OPCML: variants seen among roughly 807,000 people sequenced by gnomAD.
The protein encoded by OPCML is opioid binding protein/cell adhesion molecule like.
A neutral mutation model predicts 37.8 loss-of-function variants in OPCML; 13 were observed. The observed-to-expected ratio is 0.34, with a 90% CI of 0.22 to 0.55. The LOEUF (loss-of-function observed/expected upper bound fraction) is 0.55. Ranked by LOEUF, OPCML falls within the 20% of genes least tolerant of loss-of-function variation. The probability of loss-of-function intolerance (pLI) is 0.91; values close to 1 mark genes in which losing one functional copy is unlikely to be tolerated. For missense variants in OPCML, 341 were observed against 435.6 expected (o/e 0.78, Z 1.93); for synonymous variants, 176 against 168.8 (o/e 1.04, Z -0.33).
At chr11:133,039,698 T>C (rs1465166575) in intron 1 of OPCML, among the ~76,000 whole-genome samples, 1 of 151,874 alleles carries the variant, frequency 6.6e-6, no homozygotes, top group African/African-American at 2.4e-5. Flanking sequence ...GGTGGGTGTA[T>C]CTGTGTGTGA....
chr11:132,438,423 G>C (rs2136754028), intron 4 of OPCML, among the ~76,000 whole-genome samples: 1 of 152,370 alleles, frequency 6.6e-6, no homozygotes. Context: ...GTGCAAGCAT[G>C]TTCTAATCCA....
chr11:132,474,925 C>T (rs1189720071), intron 4 of OPCML, among the ~76,000 whole-genome samples: 1 of 152,168 alleles, frequency 6.6e-6, no homozygotes, highest in African/African-American at 2.4e-5. Context: ...AAATAACTGT[C>T]CCCCTTGGGT....
At chr11:133,098,197 T>C (rs1166296145) in intron 1 of OPCML, among the ~76,000 whole-genome samples, 2 of 151,082 alleles carry the variant, frequency 1.3e-5, no homozygotes, top group Non-Finnish European at 2.9e-5. Context: ...ATCCCAGGTA[T>C]GCAAGGCTGG....
At chr11:133,181,878 C>G (rs926572499) in intron 1 of OPCML, among the ~76,000 whole-genome samples, 12 of 152,322 alleles carry the variant, frequency 7.9e-5, no homozygotes, top group African/African-American at 2.9e-4. Context: ...GATGCTGAGT[C>G]CCTCCTCCAA....
At position 132,423,948 on chromosome 11, in the gene OPCML, G is replaced by A. The variant is rs79089386; in HGVS notation, c.917-3655C>T. On this transcript the variant is annotated intron_variant, in intron 7 of 7. Coordinates refer to ENST00000524381, the MANE Select transcript of OPCML (RefSeq NM_001012393.5). ...TCAGATTGAGTACAGTTTTCTTAGA[G>A]CATGGCCTCGGCTGGTAACAGCTGC... Among the ~76,000 whole-genome samples the A allele has an allele frequency of 4.4e-3, 668 of 152,254 alleles. 2 individuals carry two copies. The highest frequency in any genetic ancestry group is 0.016 in the African/African-American group (646 of 41,548).
intron 2 of OPCML, among the ~76,000 whole-genome samples, chr11:132,691,729 C>T: frequency 6.6e-6 from 1 of 152,172 alleles, no homozygotes; most frequent in South Asian, 2.1e-4. Flanking sequence ...AGTTTCATTA[C>T]CAAGTCTGAT....
intron 2 of OPCML, among the ~76,000 whole-genome samples, chr11:132,812,865 T>G (rs1463882308): frequency 6.6e-6 from 1 of 152,232 alleles, no homozygotes. Flanking sequence ...TAGCACTTAA[T>G]ACAGTGATTT....
At chr11:132,470,756 C>G (rs917651032) in intron 4 of OPCML, among the ~76,000 whole-genome samples, 2 of 152,180 alleles carry the variant, frequency 1.3e-5, no homozygotes, top group African/African-American at 4.8e-5. Flanking sequence ...AGTGACAGAG[C>G]TAGGATTGAA....
At chr11:132,879,865 T>G (rs1348095703) in intron 2 of OPCML, among the ~76,000 whole-genome samples, 1 of 152,218 alleles carries the variant, frequency 6.6e-6, no homozygotes, top group African/African-American at 2.4e-5. Flanking sequence ...AAAACATACA[T>G]TGTACCATCA....
intron 1 of OPCML, among the ~76,000 whole-genome samples, chr11:133,330,228 A>G (rs1326774343): frequency 3.9e-5 from 6 of 152,290 alleles, no homozygotes; most frequent in African/African-American, 1.4e-4. Flanking sequence ...ACACTTTTAC[A>G]CTGTTGGTGG....
chr11:132,930,570 C>T (rs1945163557), intron 2 of OPCML, among the ~76,000 whole-genome samples: 1 of 151,916 alleles, frequency 6.6e-6, no homozygotes, highest in African/African-American at 2.4e-5. Context: ...TATAAACTAA[C>T]AATAAACAAT....
intron 1 of OPCML, among the ~76,000 whole-genome samples, chr11:133,053,457 A>G (rs1284254646): frequency 2.6e-5 from 4 of 152,132 alleles, no homozygotes; most frequent in Admixed American, 1.3e-4. Context: ...TCTGATTTGC[A>G]CTTTTTACTT....
At chr11:132,457,140 G>A (rs543325985) in intron 4 of OPCML, among the ~76,000 whole-genome samples, 1 of 152,324 alleles carries the variant, frequency 6.6e-6, no homozygotes, top group East Asian at 1.9e-4. Flanking sequence ...AACACATTTT[G>A]AAAGGGCATT....
At chr11:132,461,773 G>A (rs1328298861) in intron 4 of OPCML, among the ~76,000 whole-genome samples, 1 of 152,126 alleles carries the variant, frequency 6.6e-6, no homozygotes, top group African/African-American at 2.4e-5. Context: ...ATGGCAGAAA[G>A]GGAAGGAAAC....
chr11:133,180,555 G>A (rs1182296558), intron 1 of OPCML, among the ~76,000 whole-genome samples: 3 of 152,140 alleles, frequency 2.0e-5, no homozygotes, highest in Non-Finnish European at 1.5e-5. Context: ...TCCCTCCACA[G>A]CGTAGGCACC....
rs150727175 is a variant in OPCML, at chr11:133,021,255, T to C, written c.62-78245A>G. Among the ~76,000 whole-genome samples, 343 of 152,332 alleles carry C rather than the reference T, an allele frequency of 2.3e-3. 2 individuals are homozygous for C. The highest frequency in any genetic ancestry group is 3.8e-3 in the Non-Finnish European group (258 of 68,034). ...TTGACTTCTGATGGTGAAATGTTTT[T>C]GCCCAATTTTTTAGGCGAGAGCATT... On this transcript the variant is annotated intron_variant, in intron 1 of 7. Transcript: ENST00000524381.
In OPCML at chr11:132,618,280, T is replaced by C. The variant is rs562815187; in HGVS notation, c.379+38807A>G. Among the ~76,000 whole-genome samples, 166 of 152,316 alleles carry C rather than the reference T, an allele frequency of 1.1e-3. 2 individuals are homozygous for C. The South Asian group carries it at 0.026, about 24-fold the overall frequency. On this transcript the variant is annotated intron_variant, in intron 3 of 7. Coordinates refer to ENST00000524381, the MANE Select transcript of OPCML (RefSeq NM_001012393.5). ...TGGTGAATAGCTAGCTTGTCTGTCA[T>C]ACCAAATTCTTTTCAACATTCTTCA...
intron 1 of OPCML, chr11:133,007,181 C>G: frequency 1.0e-6 from 1 of 985,450 alleles, no homozygotes; most frequent in Non-Finnish European, 1.2e-6. Flanking sequence ...CTTGGGGACT[C>G]TGTCTCACAT....
At chr11:132,478,099 A>G (rs1311223516) in intron 4 of OPCML, among the ~76,000 whole-genome samples, 1 of 152,240 alleles carries the variant, frequency 6.6e-6, no homozygotes, top group Non-Finnish European at 1.5e-5. Flanking sequence ...CATGTAAAGT[A>G]AAAGATTAAC....
Sources: gnomAD v4.1 joint callset for allele counts (sites outside exome capture counted in the v4.1 genomes callset) on GRCh38, gnomAD v4.1.1 for gene constraint, MANE v1.5 for transcripts, NCBI Gene and HGNC (gene_info 2026-07-23, HGNC 2026-07-21) for gene names.